Variants in SORBS2 observed in about 807,000 individuals in gnomAD.
SORBS2 encodes the protein sorbin and SH3 domain-containing protein 2.
A neutral mutation model predicts 97.7 loss-of-function variants in SORBS2; 46 were observed. That is an observed-to-expected ratio of 0.47 (90% confidence interval 0.37 to 0.60). The LOEUF (loss-of-function observed/expected upper bound fraction) is 0.60, where lower values mean the gene tolerates loss of function less well. SORBS2 is among the 20% of genes least tolerant of loss of function. SORBS2 has a pLI of 0.00. For synonymous variants in SORBS2, 476 were observed against 473.4 expected (o/e 1.01, Z -0.07); for missense variants, 1,316 against 1,282.3 (o/e 1.03, Z -0.40).
chr4:185,942,585 G>A (rs931078570), intron 1 of SORBS2, among the ~76,000 whole-genome samples: 10 of 151,932 alleles, frequency 6.6e-5, no homozygotes, highest in Non-Finnish European at 1.2e-4. Context: ...TCCTGACCTC[G>A]TGATCCACCC....
chr4:185,587,433 G>A (rs903158456), exon 15 of SORBS2: 32 of 595,204 alleles, frequency 5.4e-5, no homozygotes, highest in Non-Finnish European at 8.1e-5. Context: ...TCACGGAGGG[G>A]GACCAGCCTG....
intron 1 of SORBS2, among the ~76,000 whole-genome samples, chr4:185,899,316 C>T (rs1192569548): frequency 6.6e-6 from 1 of 152,192 alleles, no homozygotes; most frequent in Non-Finnish European, 1.5e-5. Flanking sequence ...TGGTGACTGT[C>T]ATCAGGACCC....
intron 12 of SORBS2, among the ~76,000 whole-genome samples, chr4:185,599,153 T>TA (rs1335922496): frequency 6.6e-6 from 1 of 152,110 alleles, no homozygotes; most frequent in East Asian, 1.9e-4. Flanking sequence ...TCTTTAGAAA[T>TA]AAAAAATGAA....
chr4:185,838,158 G>T (rs2099209250), intron 1 of SORBS2, among the ~76,000 whole-genome samples: 1 of 152,372 alleles, frequency 6.6e-6, no homozygotes, highest in Admixed American at 6.5e-5. Flanking sequence ...CCCCAGCAGG[G>T]TGTGCGGGAC....
intron 2 of SORBS2, among the ~76,000 whole-genome samples, chr4:185,753,196 T>C (rs933990071): frequency 5.3e-5 from 8 of 152,250 alleles, no homozygotes; most frequent in Non-Finnish European, 1.5e-5. Flanking sequence ...ATTTCAATTC[T>C]GTATTCACCA....
At position 185,589,355 on chromosome 4, in the gene SORBS2, G is replaced by A. The variant is rs541197535; in HGVS notation, c.2953+324C>T. 140 of 288,262 alleles carry A rather than the reference G, an allele frequency of 4.9e-4. 1 individual carries two copies. Among genetic ancestry groups the A allele is most frequent in the Admixed American group, 3.4e-3 (72 of 21,144 alleles). 17.9% of individuals were successfully genotyped at this position (288,262 alleles called of 1,614,324 possible). A position where few individuals can be genotyped will look rare whatever the true frequency, so the allele number is the denominator to read the frequency against. ...ACTAACATTTTCCACAGCACAGAGC[G>A]TTGATATTTCTCTTCTGGGGACCAT... On this transcript the variant is annotated intron_variant, in intron 14 of 14. Coordinates refer to ENST00000418609, the Ensembl canonical transcript of SORBS2.
intron 1 of SORBS2, among the ~76,000 whole-genome samples, chr4:185,885,953 C>T (rs184699563): frequency 5.3e-5 from 8 of 152,352 alleles, no homozygotes; most frequent in Non-Finnish European, 7.3e-5. Context: ...CAGGTTGTCA[C>T]CCTATTTAAA....
intron 2 of SORBS2, chr4:185,757,143 C>G: frequency 2.3e-6 from 1 of 427,088 alleles, no homozygotes. Context: ...GGTTCCTGGT[C>G]CAGCAGAAGA....
intron 2 of SORBS2, among the ~76,000 whole-genome samples, chr4:185,704,868 G>A (rs2098320628): frequency 6.6e-6 from 1 of 152,230 alleles, no homozygotes; most frequent in African/African-American, 2.4e-5. Flanking sequence ...GTTAGGCACA[G>A]GTTAACACAG....
intron 1 of SORBS2, among the ~76,000 whole-genome samples, chr4:185,834,270 G>A (rs542590823): frequency 1.1e-4 from 17 of 151,980 alleles, no homozygotes; most frequent in African/African-American, 1.2e-4. Context: ...CATAGAATCC[G>A]CCCCCGTGAG....
chr4:185,631,669 G>A (rs1323655063), intron 4 of SORBS2, among the ~76,000 whole-genome samples: 1 of 152,200 alleles, frequency 6.6e-6, no homozygotes, highest in African/African-American at 2.4e-5. Flanking sequence ...GGCTGAGGCA[G>A]GAGAATTGCT....
At chr4:185,820,033 G>T (rs974473871) in intron 1 of SORBS2, among the ~76,000 whole-genome samples, 1 of 152,236 alleles carries the variant, frequency 6.6e-6, no homozygotes, top group East Asian at 1.9e-4. Context: ...AGCATAAAAG[G>T]GTATTAGGTA....
rs1225228008 is a variant in SORBS2, at chr4:185,949,581, C to T, written c.-338+6615G>A. On this transcript the variant is annotated intron_variant, in intron 1 of 20. Coordinates refer to the SORBS2 transcript ENST00000284776. ...GGCGGGGGGCAGAGTGAGGAGTGGC[C>T]CTCTGACATGTTTTAAGGGAAGGAA... Among the ~76,000 whole-genome samples, 5 of 151,870 alleles carry T rather than the reference C, an allele frequency of 3.3e-5. 1 individual carries two copies. Among genetic ancestry groups the T allele is most frequent in the African/African-American group, 1.2e-4 (5 of 41,330 alleles).
rs767035375 is a variant in SORBS2 at position 185,623,804 on chromosome 4, G to A, written c.1325C>T (p.Pro442Leu). Residue 442 changes from proline to leucine, a missense_variant, in exon 7 of 15, where the codon CCA (proline) becomes CTA (leucine). By Grantham distance (98) the Pro-to-Leu change is moderately conservative. Coordinates refer to ENST00000418609, the Ensembl canonical transcript of SORBS2. This position sits in a 1 kb window ranked among gnomAD's most constrained non-coding sequence, Gnocchi z 6.4. ...CTTGGGACATAGGCCATTTTGCGGT[G>A]GTTCTAGGGTTACGGGAGACAGCAT... 11 of 1,614,196 alleles carry A rather than the reference G, an allele frequency of 6.8e-6. No homozygotes were observed. The highest frequency in any genetic ancestry group is 7.6e-6 in the Non-Finnish European group (9 of 1,180,036).
intron 4 of SORBS2, among the ~76,000 whole-genome samples, chr4:185,674,246 C>A (rs1465450156): frequency 1.3e-5 from 2 of 152,244 alleles, no homozygotes; most frequent in Non-Finnish European, 2.9e-5. Flanking sequence ...CCTGTTCCAC[C>A]CACAGCTGTC....
intron 2 of SORBS2, among the ~76,000 whole-genome samples, chr4:185,735,532 A>T (rs2098679254): frequency 6.6e-6 from 1 of 151,926 alleles, no homozygotes; most frequent in Non-Finnish European, 1.5e-5. Context: ...ACACACACTC[A>T]CATGCGAGCC....
chr4:185,671,135 T>C (rs931103014), intron 4 of SORBS2, among the ~76,000 whole-genome samples: 1 of 152,134 alleles, frequency 6.6e-6, no homozygotes. Context: ...TGATGTGAGA[T>C]TGTCTGACAG....
chr4:185,613,382 G>A (rs971756183), intron 11 of SORBS2, among the ~76,000 whole-genome samples: 10 of 152,308 alleles, frequency 6.6e-5, no homozygotes, highest in Middle Eastern at 3.4e-3. Flanking sequence ...GGATGCAATC[G>A]CTCACGCCTG....
rs185835022 is a variant in SORBS2 at position 185,635,671 on chromosome 4, T to A, written c.397-5073A>T. ...ATATTTATAAATTCATTTTGTCAAA[T>A]TTCATTAGCACTCCTAGTCTCTGGC... On this transcript the variant is annotated intron_variant, in intron 4 of 14. Coordinates refer to ENST00000418609, the Ensembl canonical transcript of SORBS2. 2.6e-3 allele frequency among the ~76,000 whole-genome samples: 401 copies of A among 152,224 alleles called. 1 individual carries two copies. The highest frequency in any genetic ancestry group is 0.01 in the South Asian group (50 of 4,820).
Sources: allele counts gnomAD v4.1 joint callset (sites outside exome capture counted in the v4.1 genomes callset), GRCh38; gene constraint gnomAD v4.1.1; non-coding constraint Gnocchi (gnomAD v3.1); transcripts MANE v1.5; gene names NCBI Gene and HGNC (gene_info 2026-07-23, HGNC 2026-07-21).